Variants in ZNF407 observed in about 807,000 individuals in gnomAD.
The protein encoded by ZNF407 is zinc finger protein 407.
Under a neutral mutation model 131.2 loss-of-function variants are expected in ZNF407, and 17 were observed. The observed-to-expected ratio is 0.13, with a 90% CI of 0.09 to 0.19. The LOEUF (loss-of-function observed/expected upper bound fraction) is 0.19, where lower values mean the gene tolerates loss of function less well. Ranked by LOEUF, ZNF407 falls within the 10% of genes least tolerant of loss-of-function variation. The probability of loss-of-function intolerance (pLI) is 1.00; values close to 1 mark genes in which losing one functional copy is unlikely to be tolerated. For synonymous variants in ZNF407, 1,156 were observed against 1,062.0 expected (o/e 1.09, Z -1.72); for missense variants, 2,681 against 2,830.6 (o/e 0.95, Z 1.20).
At chr18:74,992,026 C>T (rs1272109586) in intron 8 of ZNF407, among the ~76,000 whole-genome samples, 1 of 152,212 alleles carries the variant, frequency 6.6e-6, no homozygotes. Flanking sequence ...GACTTCCCCA[C>T]TCCTCACAAT....
At chr18:74,912,243 T>C (rs1339292565) in intron 7 of ZNF407, among the ~76,000 whole-genome samples, 4 of 152,188 alleles carry the variant, frequency 2.6e-5, no homozygotes, top group Non-Finnish European at 5.9e-5. Flanking sequence ...ATAGTGATAT[T>C]AATTTATTAT....
intron 4 of ZNF407, among the ~76,000 whole-genome samples, chr18:74,802,837 A>G (rs1970043290): frequency 6.6e-6 from 1 of 152,222 alleles, no homozygotes; most frequent in Non-Finnish European, 1.5e-5. Flanking sequence ...TACATTGTCA[A>G]GTTAAGATTA....
At chr18:74,692,623 C>T (rs1967252849) in intron 3 of ZNF407, among the ~76,000 whole-genome samples, 1 of 152,224 alleles carries the variant, frequency 6.6e-6, no homozygotes, top group Middle Eastern at 3.4e-3. Context: ...GGAGGAGTTT[C>T]CTGCTTCTCC....
At chr18:75,049,908 A>G (rs1245073401) in intron 8 of ZNF407, among the ~76,000 whole-genome samples, 1 of 152,138 alleles carries the variant, frequency 6.6e-6, no homozygotes, top group Non-Finnish European at 1.5e-5. Flanking sequence ...TCTTTGCCTG[A>G]ACTCTGTACT....
intron 1 of ZNF407, among the ~76,000 whole-genome samples, chr18:74,628,690 A>G (rs1983910319): frequency 2.0e-5 from 3 of 152,080 alleles, no homozygotes; most frequent in South Asian, 4.2e-4. Context: ...GACTCAAGCA[A>G]TCCTCTTGCT....
chr18:74,776,070 C>T (rs950520651), intron 3 of ZNF407, among the ~76,000 whole-genome samples: 7 of 152,172 alleles, frequency 4.6e-5, no homozygotes, highest in African/African-American at 1.7e-4. Flanking sequence ...ATATCAATAC[C>T]TAATCCCCAG....
At chr18:74,718,213 CCT>C (rs1491189704) in intron 3 of ZNF407, among the ~76,000 whole-genome samples, 34 of 151,700 alleles carry the variant, frequency 2.2e-4, no homozygotes, top group African/African-American at 7.5e-4. Context: ...CAGCCCCCCC[CCT>C]CCCCTTCCTG....
intron 3 of ZNF407, among the ~76,000 whole-genome samples, chr18:74,730,807 T>C (rs1303881406): frequency 1.3e-5 from 2 of 152,198 alleles, no homozygotes; most frequent in Non-Finnish European, 2.9e-5. Context: ...TTTTCCAATG[T>C]AGAAACTACA....
At chr18:74,694,889 CATACT>C (rs945514897) in intron 3 of ZNF407, among the ~76,000 whole-genome samples, 10 of 152,052 alleles carry the variant, frequency 6.6e-5, no homozygotes, top group Admixed American at 2.0e-4. Context: ...AGTATTTTAT[CATACT>C]ATAGAGTTAT....
At chr18:74,995,028 A>C (rs1972764137) in intron 8 of ZNF407, among the ~76,000 whole-genome samples, 1 of 152,142 alleles carries the variant, frequency 6.6e-6, no homozygotes, top group East Asian at 1.9e-4. Flanking sequence ...AGAAATCTTT[A>C]CTCAATGTAT....
chr18:74,710,717 C>T (rs768669454), intron 3 of ZNF407, among the ~76,000 whole-genome samples: 6 of 152,128 alleles, frequency 3.9e-5, no homozygotes, highest in Non-Finnish European at 7.4e-5. Flanking sequence ...TCTTTAAAAA[C>T]TAGCAGTAAA....
intron 5 of ZNF407, 71 bp from the exon 6 acceptor site, chr18:74,880,965 G>A: frequency 7.5e-7 from 1 of 1,329,440 alleles, no homozygotes; most frequent in Non-Finnish European, 1.1e-6. Flanking sequence ...TAGTAACCCT[G>A]AAAGCCTTGA....
intron 1 of ZNF407, among the ~76,000 whole-genome samples, chr18:74,605,311 T>C (rs958346564): frequency 1.3e-5 from 2 of 152,248 alleles, no homozygotes; most frequent in Admixed American, 6.5e-5. Context: ...AGCTCCTAGC[T>C]GTGTGACTTC....
chr18:74,786,118 C>T (rs546190155), intron 4 of ZNF407, among the ~76,000 whole-genome samples: 3 of 152,204 alleles, frequency 2.0e-5, no homozygotes, highest in Non-Finnish European at 4.4e-5. Context: ...TGACCTCCGA[C>T]GTCACAGTTG....
chr18:74,752,158 GC>G (rs1968820665), intron 3 of ZNF407, among the ~76,000 whole-genome samples: 1 of 152,064 alleles, frequency 6.6e-6, no homozygotes, highest in South Asian at 2.1e-4. Context: ...TCTGTTGGCT[GC>G]ATAAATGTCT....
intron 1 of ZNF407, among the ~76,000 whole-genome samples, chr18:74,625,281 T>C (rs138439983): frequency 0.018 from 2,799 of 152,332 alleles, 47 homozygotes; most frequent in Middle Eastern, 0.031. Context: ...TCATTCTTTT[T>C]GTCTGTAAAA....
At chr18:74,713,215 G>C (rs1179019196) in intron 3 of ZNF407, among the ~76,000 whole-genome samples, 1 of 152,024 alleles carries the variant, frequency 6.6e-6, no homozygotes, top group East Asian at 1.9e-4. Context: ...CACACCAGGG[G>C]TTTGGAATAA....
intron 3 of ZNF407, among the ~76,000 whole-genome samples, chr18:74,699,737 T>C (rs747532279): frequency 9.9e-5 from 15 of 152,176 alleles, no homozygotes; most frequent in Non-Finnish European, 2.1e-4. Flanking sequence ...ATCGTTTTCC[T>C]GTTTTGTGTG....
intron 4 of ZNF407, among the ~76,000 whole-genome samples, chr18:74,846,465 G>A (rs149067579): frequency 6.1e-4 from 92 of 151,366 alleles, no homozygotes; most frequent in African/African-American, 2.2e-3. Flanking sequence ...TCGGCCTCCT[G>A]AGTAGCTGGG....
Sources: allele counts gnomAD v4.1 joint callset (sites outside exome capture counted in the v4.1 genomes callset), GRCh38; gene constraint gnomAD v4.1.1; transcripts MANE v1.5; gene names NCBI Gene and HGNC (gene_info 2026-07-23, HGNC 2026-07-21).